DHRSX: variants seen among roughly 807,000 people sequenced by gnomAD.
DHRSX encodes polyprenol dehydrogenase.
In DHRSX, 31 loss-of-function variants were observed where a neutral mutation model predicts 34.0. That is an observed-to-expected ratio of 0.91 (90% CI 0.69 to 1.23). The LOEUF (loss-of-function observed/expected upper bound fraction) is 1.23. Ranked by LOEUF, DHRSX falls within the 50% of genes most tolerant of loss-of-function variation. The probability of loss-of-function intolerance (pLI) is 0.00; values close to 1 mark genes in which losing one functional copy is unlikely to be tolerated. For missense variants in DHRSX, 414 were observed against 428.1 expected (o/e 0.97, Z 0.29); for synonymous variants, 201 against 183.8 (o/e 1.09, Z -0.76).
At chrX:2,477,727 C>T in intron 1 of DHRSX, among the ~76,000 whole-genome samples, 1 of 152,186 alleles carries the variant, frequency 6.6e-6, no homozygotes, top group South Asian at 2.1e-4. Context: ...TGCCTGTATT[C>T]CCAGCTACTC....
intron 1 of DHRSX, among the ~76,000 whole-genome samples, chrX:2,440,451 C>T (rs769540269): frequency 6.6e-6 from 1 of 152,188 alleles, no homozygotes; most frequent in East Asian, 1.9e-4. Context: ...ATCCACCCAC[C>T]TTGGCCTCCC....
At chrX:2,245,498 T>C (rs2016255371) in intron 5 of DHRSX, among the ~76,000 whole-genome samples, 2 of 151,016 alleles carry the variant, frequency 1.3e-5, no homozygotes, top group African/African-American at 4.8e-5. Context: ...TTAGTAGACA[T>C]GGGGTTTCAC....
chrX:2,246,748 GAA>G (rs1556432542), intron 5 of DHRSX, among the ~76,000 whole-genome samples: 103 of 103,860 alleles, frequency 9.9e-4, no homozygotes, highest in African/African-American at 2.9e-3. Context: ...AAGAAAGAAA[GAA>G]AAAGAAAGAA....
At chrX:2,466,934 G>A (rs148893983) in intron 1 of DHRSX, among the ~76,000 whole-genome samples, 4,184 of 151,950 alleles carry the variant, frequency 0.028, 79 homozygotes, top group Admixed American at 0.053. Flanking sequence ...GCATGGTAGC[G>A]CACACCTATA....
chrX:2,382,180 C>T (rs1203893220), intron 3 of DHRSX, among the ~76,000 whole-genome samples: 1 of 152,122 alleles, frequency 6.6e-6, no homozygotes, highest in Non-Finnish European at 1.5e-5. Flanking sequence ...CCCACAAGCA[C>T]AGTCTTTGCT....
At chrX:2,456,582 C>G (rs2044300001) in intron 1 of DHRSX, among the ~76,000 whole-genome samples, 1 of 148,334 alleles carries the variant, frequency 6.7e-6, no homozygotes, top group Non-Finnish European at 1.5e-5. Flanking sequence ...GCACTGCACT[C>G]CAGCCTGGGG....
chrX:2,267,475 G>A (rs2124463984), intron 4 of DHRSX, among the ~76,000 whole-genome samples: 1 of 151,868 alleles, frequency 6.6e-6, no homozygotes, highest in South Asian at 2.1e-4. Context: ...AACCTGGGAG[G>A]CGGAGGTTGC....
chrX:2,247,141 G>A (rs1294986790), intron 5 of DHRSX, among the ~76,000 whole-genome samples: 1 of 151,998 alleles, frequency 6.6e-6, no homozygotes, highest in Non-Finnish European at 1.5e-5. Context: ...TAGAGACGGG[G>A]TTTCATCAGG....
Position 2,481,279 on chromosome X carries a change from A to C in DHRSX, c.109+19538T>G, listed in dbSNP as rs762745291. Among the ~76,000 whole-genome samples, 21 of 152,326 alleles carry C rather than the reference A, an allele frequency of 1.4e-4. No homozygotes were observed. In the South Asian group the frequency reaches 4.1e-3, roughly 30 times the overall value. ...TTTCGAGGACAGCTGTGACATATTT[A>C]ATGGTGTCTCCTCTTAATTCAACAG... On this transcript the variant is annotated intron_variant, in intron 1 of 6. Transcript: ENST00000334651.
At chrX:2,432,809 T>C (rs1225199521) in intron 1 of DHRSX, among the ~76,000 whole-genome samples, 1 of 152,078 alleles carries the variant, frequency 6.6e-6, no homozygotes, top group Non-Finnish European at 1.5e-5. Context: ...GTTAGATAGA[T>C]TTCACTATTT....
chrX:2,238,531 TCA>T (rs2016067570), intron 6 of DHRSX, among the ~76,000 whole-genome samples: 1 of 151,942 alleles, frequency 6.6e-6, no homozygotes, highest in South Asian at 2.1e-4. Flanking sequence ...GATATGTATG[TCA>T]CACAGATTCT....
At chrX:2,330,634 AAGG>A (rs2042457479) in intron 3 of DHRSX, among the ~76,000 whole-genome samples, 2 of 148,340 alleles carry the variant, frequency 1.3e-5, no homozygotes, top group Admixed American at 1.4e-4. Context: ...AGAGAAAGGG[AAGG>A]AGAAGAAACG....
chrX:2,381,204 G>A (rs2043198151), intron 3 of DHRSX, among the ~76,000 whole-genome samples: 1 of 152,190 alleles, frequency 6.6e-6, no homozygotes, highest in African/African-American at 2.4e-5. Context: ...CAAGGTGATA[G>A]TGTTAAGAGG....
At chrX:2,377,420 T>A (rs1338501838) in intron 3 of DHRSX, among the ~76,000 whole-genome samples, 1 of 151,908 alleles carries the variant, frequency 6.6e-6, no homozygotes, top group African/African-American at 2.4e-5. Flanking sequence ...CCCAGATCCC[T>A]GGTCTGCCCA....
At chrX:2,315,720 G>C (rs1278793082) in intron 3 of DHRSX, among the ~76,000 whole-genome samples, 1 of 152,032 alleles carries the variant, frequency 6.6e-6, no homozygotes, top group East Asian at 1.9e-4. Flanking sequence ...AGATTAACAG[G>C]ATGTCTCCAT....
At chrX:2,276,173 A>G (rs1235997888) in intron 4 of DHRSX, among the ~76,000 whole-genome samples, 1 of 152,174 alleles carries the variant, frequency 6.6e-6, no homozygotes, top group Non-Finnish European at 1.5e-5. Flanking sequence ...TTTTTGGGAA[A>G]CCAGTGGTTT....
At chrX:2,412,125 T>C (rs981192862) in intron 2 of DHRSX, among the ~76,000 whole-genome samples, 2 of 152,218 alleles carry the variant, frequency 1.3e-5, no homozygotes, top group Non-Finnish European at 2.9e-5. Context: ...GCTGAGCAAG[T>C]ACTGCATATG....
chrX:2,325,022 C>T (rs1409341950), intron 3 of DHRSX, among the ~76,000 whole-genome samples: 1 of 151,658 alleles, frequency 6.6e-6, no homozygotes, highest in Non-Finnish European at 1.5e-5. Flanking sequence ...GATCCACCCG[C>T]CTCAGCCTCC....
At chrX:2,465,101 C>A (rs1305276611) in intron 1 of DHRSX, among the ~76,000 whole-genome samples, 1 of 150,754 alleles carries the variant, frequency 6.6e-6, no homozygotes, top group African/African-American at 2.5e-5. Flanking sequence ...CCTAAGCATG[C>A]GGCCCAGGGA....
Sources: gnomAD v4.1 joint callset for allele counts (sites outside exome capture counted in the v4.1 genomes callset) on GRCh38, gnomAD v4.1.1 for gene constraint, MANE v1.5 for transcripts, NCBI Gene and HGNC (gene_info 2026-07-23, HGNC 2026-07-21) for gene names.